The following PNPLA4 variants were observed in gnomAD, a reference collection of about 807,000 sequenced individuals.
PNPLA4 encodes the protein patatin like domain 4, phospholipase and triacylglycerol lipase.
In PNPLA4, 15 loss-of-function variants were observed where a neutral mutation model predicts 18.3. The ratio of observed to expected loss-of-function variants is 0.82; its 90% confidence interval spans 0.55 to 1.26. PNPLA4 has a LOEUF of 1.26. Among genes scored for constraint, PNPLA4 ranks in the 50% most tolerant of loss-of-function variants. PNPLA4 has a pLI of 0.00. For synonymous variants in PNPLA4, 88 were observed against 85.6 expected (o/e 1.03, Z -0.16); for missense variants, 229 against 196.8 (o/e 1.16, Z -0.98).
chrX:7,898,631 GCAGACTGATACGT>G lies in PNPLA4; in HGVS notation c.*2042_*2054del, dbSNP rs1923412721. 8.9e-6 allele frequency: 1 copy of G among 111,826 alleles called. No homozygotes were observed. Among genetic ancestry groups the G allele is most frequent in the African/African-American group, 3.3e-5 (1 of 30,713 alleles). The allele number at this position is 111,826 out of a possible 1,213,427, so 9.2% of individuals were successfully genotyped here. A position where few individuals can be genotyped will look rare whatever the true frequency, so the allele number is the denominator to read the frequency against. On this transcript the variant is annotated 3_prime_UTR_variant, in exon 7 of 7. Coordinates refer to ENST00000381042, the MANE Select transcript of PNPLA4 (RefSeq NM_004650.3). ...ATTCCCCTCATGTAGGAAAGTTGCT[GCAGACTGATACGT>G]CAATGATCTTACAGTATTTTTAAAG...
intron 5 of PNPLA4, among the ~76,000 whole-genome samples, chrX:7,910,844 T>C (rs1923851653): frequency 9.1e-6 from 1 of 109,901 alleles, no homozygotes; most frequent in East Asian, 2.9e-4. Flanking sequence ...ATATCTACTC[T>C]ATTTAGATAT....
chrX:7,926,844 G>A (rs1401938173), intron 1 of PNPLA4, among the ~76,000 whole-genome samples: 1 of 112,342 alleles, frequency 8.9e-6, no homozygotes, highest in Non-Finnish European at 1.9e-5. Context: ...GCCTCAGTGC[G>A]CACAATTTGC....
rs777538498 is a variant in PNPLA4, at chrX:7,907,926, C to T, written c.477+4102G>A. Among the ~76,000 whole-genome samples, 717 of 104,922 alleles carry T rather than the reference C, an allele frequency of 6.8e-3. 2 individuals are homozygous for T. The highest frequency in any genetic ancestry group is 0.014 in the Middle Eastern group (3 of 208). 91.1% of individuals were successfully genotyped at this position (104,922 alleles called of 115,157 possible). A position where few individuals can be genotyped will look rare whatever the true frequency, so the allele number is the denominator to read the frequency against. On this transcript the variant is annotated intron_variant, in intron 5 of 6. Coordinates refer to ENST00000381042, the MANE Select transcript of PNPLA4 (RefSeq NM_004650.3). ...TTTTTTTGTAGAGACAGGGTTTTGC[C>T]ATGTTTCCCAAGTTAAAAAGAAAAA...
intron 5 of PNPLA4, among the ~76,000 whole-genome samples, chrX:7,904,310 T>C (rs1339537281): frequency 8.9e-6 from 1 of 112,331 alleles, no homozygotes; most frequent in Non-Finnish European, 1.9e-5. Context: ...TACTGTGGGG[T>C]TAATGACTGC....
intron 2 of PNPLA4, 144 bp from the exon 3 acceptor site, chrX:7,922,242 G>A: frequency 2.1e-6 from 1 of 480,036 alleles, no homozygotes. Context: ...CCTGGCCGGG[G>A]CCTCACCCAC....
rs1300737994 is a variant in PNPLA4, at chrX:7,922,458, A to G, written c.181-360T>C. 3.5e-5 allele frequency among the ~76,000 whole-genome samples: 4 copies of G among 112,849 alleles called. No homozygotes were observed. The Middle Eastern group carries it at 0.014, about 386-fold the overall frequency. On this transcript the variant is annotated intron_variant, in intron 2 of 6. Transcript: ENST00000381042. ...ACCCCTATTTTGTGGTCTCAGCAGC[A>G]GTTTGATTACAACCGTGCAACAAAG... is the stretch of plus-strand genomic sequence containing the variant.
chrX:7,907,541 A>G (rs1923744719), intron 5 of PNPLA4, among the ~76,000 whole-genome samples: 2 of 112,334 alleles, frequency 1.8e-5, no homozygotes, highest in South Asian at 7.3e-4. Context: ...GAAAGAGTTC[A>G]TATGTAGTAA....
intron 5 of PNPLA4, among the ~76,000 whole-genome samples, chrX:7,910,736 T>C (rs1451573729): frequency 1.5e-4 from 16 of 110,303 alleles, no homozygotes; most frequent in African/African-American, 4.6e-4. Flanking sequence ...GATTATAAAA[T>C]ACATATCTCT....
intron 1 of PNPLA4, 102 bp from the exon 2 acceptor site, chrX:7,926,234 A>G: frequency 1.8e-6 from 1 of 558,734 alleles, no homozygotes; most frequent in Non-Finnish European, 2.8e-6. Context: ...TTCTAACATC[A>G]TTCTCTGTTT....
At chrX:7,925,074 AAATC>A (rs1924350316) in intron 2 of PNPLA4, among the ~76,000 whole-genome samples, 2 of 112,439 alleles carry the variant, frequency 1.8e-5, no homozygotes, top group Admixed American at 1.9e-4. Flanking sequence ...AGTTCCCTGT[AAATC>A]AACCATATAA....
At chrX:7,924,099 T>A (rs1420164376) in intron 2 of PNPLA4, among the ~76,000 whole-genome samples, 1 of 111,940 alleles carries the variant, frequency 8.9e-6, no homozygotes, top group Non-Finnish European at 1.9e-5. Flanking sequence ...AAAGATGGAC[T>A]TATTCATCTT....
intron 5 of PNPLA4, among the ~76,000 whole-genome samples, chrX:7,908,571 A>G (rs1301008461): frequency 2.7e-5 from 3 of 112,041 alleles, no homozygotes; most frequent in East Asian, 2.8e-4. Flanking sequence ...AGGCTTAAAG[A>G]GAGTTAGTGT....
At chrX:7,902,185 T>C in intron 5 of PNPLA4, 44 bp from the exon 6 acceptor site, 1 of 1,131,540 alleles carries the variant, frequency 8.8e-7, no homozygotes, top group Non-Finnish European at 1.2e-6. Flanking sequence ...CAACAACACA[T>C]CCTGCACAAA....
chrX:7,911,119 C>T (rs764535766), intron 5 of PNPLA4, among the ~76,000 whole-genome samples: 34 of 108,578 alleles, frequency 3.1e-4, no homozygotes, highest in Non-Finnish European at 5.8e-4. Context: ...CATTTAATTA[C>T]AAAATGCATA....
chrX:7,925,318 CT>C (rs1395759916), intron 2 of PNPLA4, among the ~76,000 whole-genome samples: 2 of 112,295 alleles, frequency 1.8e-5, no homozygotes, highest in Non-Finnish European at 3.8e-5. Context: ...TATTCTCCAA[CT>C]ACGGAATCCA....
At chrX:7,912,140 A>G (rs1391215732) in intron 4 of PNPLA4, 47 bp from the exon 5 acceptor site, 1 of 942,447 alleles carries the variant, frequency 1.1e-6, no homozygotes, top group South Asian at 2.0e-5. Flanking sequence ...AGGCATGAAC[A>G]TTCAGACAAT....
chrX:7,927,032 T>A lies in PNPLA4; in HGVS notation c.-14+254A>T, dbSNP rs751133202. Among the ~76,000 whole-genome samples the A allele has an allele frequency of 9.8e-5, 11 of 112,817 alleles. No individual in the cohort carries two copies. The East Asian group carries it at 2.5e-3, about 26-fold the overall frequency. On this transcript the variant is annotated intron_variant, in intron 1 of 6. Coordinates refer to ENST00000381042, the MANE Select transcript of PNPLA4 (RefSeq NM_004650.3). ...CCCGGCCAGGCCCTGTGAGGGCAGG[T>A]GGCTCGGCCGCCGCAGGCTGCGCTG... is the stretch of plus-strand genomic sequence containing the variant.
At chrX:7,922,162 A>C in intron 2 of PNPLA4, 64 bp from the exon 3 acceptor site, 1 of 841,678 alleles carries the variant, frequency 1.2e-6, no homozygotes, top group African/African-American at 2.0e-5. Flanking sequence ...TCCACTTCTA[A>C]AACTTGGGAT....
rs1023240873 is a variant in PNPLA4 at position 7,902,911 on chromosome X, C to G, written c.478-770G>C. On this transcript the variant is annotated intron_variant, in intron 5 of 6. Transcript: ENST00000381042. ...GCTGTCTATTCCAAGGCCAAACAGT[C>G]TCAATGCAGCCATGATCTGATGTAT... Among the ~76,000 whole-genome samples, 6 of 112,089 alleles carry G rather than the reference C, an allele frequency of 5.4e-5. No individual in the cohort carries two copies. In the South Asian group the frequency reaches 2.2e-3, roughly 42 times the overall value.
Sources: gnomAD v4.1 joint callset for allele counts (sites outside exome capture counted in the v4.1 genomes callset) on GRCh38, gnomAD v4.1.1 for gene constraint, MANE v1.5 for transcripts, NCBI Gene and HGNC (gene_info 2026-07-23, HGNC 2026-07-21) for gene names.